The following PSD3 variants were observed in gnomAD, a reference collection of about 807,000 sequenced individuals.
PSD3 encodes pleckstrin and Sec7 domain containing 3, also known as PH and SEC7 domain-containing protein 3.
Under a neutral mutation model 105.5 loss-of-function variants are expected in PSD3, and 49 were observed. The ratio of observed to expected loss-of-function variants is 0.46; its 90% CI spans 0.37 to 0.59. The LOEUF is 0.59. Ranked by LOEUF, PSD3 falls within the 20% of genes least tolerant of loss-of-function variation. PSD3 has a pLI of 0.00. For synonymous variants in PSD3, 557 were observed against 457.8 expected, an observed-to-expected ratio of 1.22 and a Z score of -2.77; for missense variants, 1,561 against 1,263.8, an observed-to-expected ratio of 1.24 and a Z score of -3.57.
intron 11 of PSD3, among the ~76,000 whole-genome samples, chr8:18,601,300 T>A (rs1324869537): frequency 6.6e-6 from 1 of 152,206 alleles, no homozygotes. Flanking sequence ...TTAAAATCTA[T>A]AACTGGAAAA....
At chr8:18,716,568 G>A (rs1029885691) in intron 9 of PSD3, among the ~76,000 whole-genome samples, 5 of 152,064 alleles carry the variant, frequency 3.3e-5, no homozygotes, top group Non-Finnish European at 5.9e-5. Context: ...GAGAGATGAG[G>A]CAGGGAGGGT....
intron 12 of PSD3, among the ~76,000 whole-genome samples, chr8:18,576,723 T>G (rs1051377595): frequency 6.6e-6 from 1 of 152,120 alleles, no homozygotes; most frequent in African/African-American, 2.4e-5. Context: ...TAACTTAGAT[T>G]CCAGACAAAA....
chr8:19,052,219 A>T (rs932697557), intron 1 of PSD3, among the ~76,000 whole-genome samples: 2 of 152,180 alleles, frequency 1.3e-5, no homozygotes, highest in Non-Finnish European at 2.9e-5. Context: ...CACGCCTGTA[A>T]TCCCAGCACT....
At chr8:18,700,819 T>C (rs1801534623) in intron 9 of PSD3, among the ~76,000 whole-genome samples, 1 of 152,036 alleles carries the variant, frequency 6.6e-6, no homozygotes, top group Non-Finnish European at 1.5e-5. Flanking sequence ...AACATTTGAG[T>C]GAACCTGACG....
At chr8:18,859,084 C>T (rs988464786) in intron 4 of PSD3, among the ~76,000 whole-genome samples, 3 of 152,178 alleles carry the variant, frequency 2.0e-5, no homozygotes, top group Non-Finnish European at 4.4e-5. Flanking sequence ...GTCAAAATTA[C>T]TCCTCGATCC....
intron 1 of PSD3, chr8:18,940,290 T>A (rs866453027): frequency 6.6e-6 from 1 of 152,200 alleles, no homozygotes; most frequent in Non-Finnish European, 1.5e-5. Context: ...TCACCTGGAA[T>A]CTTCTTAAAA....
Position 18,909,710 on chromosome 8 carries a change from C to T in PSD3, c.130+26324G>A, listed in dbSNP as rs1013002783. On this transcript the variant is annotated intron_variant, in intron 2 of 15. Coordinates refer to ENST00000327040, the MANE Select transcript of PSD3 (RefSeq NM_015310.4). ...TGTTGGCCAGCCTAGTCTCAAACTC[C>T]TGACCTCAAGTGATCTGCCCACCTT... Among the ~76,000 whole-genome samples, 5 of 152,188 alleles carry T rather than the reference C, an allele frequency of 3.3e-5. No individual in the cohort carries two copies. The East Asian group carries it at 9.6e-4, about 29-fold the overall frequency.
chr8:18,537,751 A>G (rs1799920726), intron 15 of PSD3, among the ~76,000 whole-genome samples: 1 of 151,844 alleles, frequency 6.6e-6, no homozygotes, highest in South Asian at 2.1e-4. Flanking sequence ...ATCTCAGCTC[A>G]CCGCAACCTC....
At chr8:18,910,984 T>G (rs1820185504) in intron 2 of PSD3, among the ~76,000 whole-genome samples, 1 of 150,758 alleles carries the variant, frequency 6.6e-6, no homozygotes, top group African/African-American at 2.4e-5. Flanking sequence ...GGTGTACTCC[T>G]GTAGTCCCAG....
chr8:18,544,213 G>GAAAAAAAAA (rs1800326205), intron 15 of PSD3, among the ~76,000 whole-genome samples: 1 of 120,140 alleles, frequency 8.3e-6, no homozygotes, highest in Non-Finnish European at 1.8e-5. Context: ...ACAAAACAAG[G>GAAAAAAAAA]AGCTTCTGAA....
intron 15 of PSD3, among the ~76,000 whole-genome samples, chr8:18,538,968 G>C (rs1318147401): frequency 1.3e-5 from 2 of 152,154 alleles, no homozygotes; most frequent in African/African-American, 2.4e-5. Context: ...GGAAGCCTTC[G>C]AGGGTTGATG....
intron 1 of PSD3, among the ~76,000 whole-genome samples, chr8:18,980,615 C>T (rs1314357338): frequency 6.6e-6 from 1 of 152,056 alleles, no homozygotes; most frequent in Non-Finnish European, 1.5e-5. Flanking sequence ...TCCTTCTCTC[C>T]TTTCTTGCCT....
intron 9 of PSD3, among the ~76,000 whole-genome samples, chr8:18,761,802 C>T (rs180797436): frequency 6.6e-5 from 10 of 152,140 alleles, no homozygotes; most frequent in African/African-American, 2.2e-4. Flanking sequence ...CACATCCAAC[C>T]GCTGGGATGG....
chr8:18,670,494 G>C (rs528949799), intron 9 of PSD3, among the ~76,000 whole-genome samples: 1 of 152,244 alleles, frequency 6.6e-6, no homozygotes, highest in East Asian at 1.9e-4. Flanking sequence ...CTGGGTGAGA[G>C]GTGAGGTAAG....
intron 8 of PSD3, among the ~76,000 whole-genome samples, chr8:18,790,587 C>T (rs1008480518): frequency 6.6e-6 from 1 of 152,082 alleles, no homozygotes; most frequent in Non-Finnish European, 1.5e-5. Context: ...CAGGCGTGAG[C>T]CACTACGCCT....
intron 9 of PSD3, among the ~76,000 whole-genome samples, chr8:18,714,254 G>A (rs1249950929): frequency 1.3e-5 from 2 of 152,174 alleles, no homozygotes; most frequent in Non-Finnish European, 2.9e-5. Context: ...AAAAGCAACT[G>A]CAACAAAAGT....
At chr8:18,696,184 T>C (rs904796311) in intron 9 of PSD3, among the ~76,000 whole-genome samples, 11 of 152,194 alleles carry the variant, frequency 7.2e-5, no homozygotes, top group Non-Finnish European at 1.6e-4. Context: ...ACAGAGGCCT[T>C]TGTTGAGATG....
chr8:18,638,995 C>T (rs1807459913), intron 10 of PSD3, among the ~76,000 whole-genome samples: 1 of 152,192 alleles, frequency 6.6e-6, no homozygotes, highest in African/African-American at 2.4e-5. Context: ...TGACCACTGC[C>T]CTTCCGTGGC....
intron 4 of PSD3, chr8:18,808,992 G>C: frequency 7.6e-7 from 1 of 1,309,332 alleles, no homozygotes; most frequent in Non-Finnish European, 1.0e-6. Context: ...AATAAAAACA[G>C]CAGCCAGAAC....
Sources: allele counts gnomAD v4.1 joint callset (sites outside exome capture counted in the v4.1 genomes callset), GRCh38; gene constraint gnomAD v4.1.1; transcripts MANE v1.5; gene names NCBI Gene and HGNC (gene_info 2026-07-23, HGNC 2026-07-21).